The following BICRA variants were observed in gnomAD, a reference collection of about 807,000 sequenced individuals.
BICRA encodes the protein BRD4-interacting chromatin-remodeling complex-associated protein.
Under a neutral mutation model 96.9 loss-of-function variants are expected in BICRA, and 31 were observed. That is an observed-to-expected ratio of 0.32 (90% CI 0.24 to 0.43). The LOEUF (loss-of-function observed/expected upper bound fraction) is 0.43. Among genes scored for constraint, BICRA ranks in the 20% least tolerant of loss-of-function variants. BICRA has a pLI of 1.00. For missense variants in BICRA, 2,283 were observed against 2,190.3 expected, an observed-to-expected ratio of 1.04 and a Z score of -0.84; for synonymous variants, 1,350 against 1,071.8, an observed-to-expected ratio of 1.26 and a Z score of -5.07.
chr19:47,695,342 T>TCGGGGCCCCCCCCCCCCCCCCCCC, intron 9 of BICRA, 23 bp from the exon 10 acceptor site: 2 of 630,116 alleles, frequency 3.2e-6, no homozygotes, highest in Middle Eastern at 4.3e-4. Flanking sequence ...AGGCCCTGTC[T>TCGGGGCCCCCCCCCCCCCCCCCCC]CCCCCACCCC....
At chr19:47,664,587 G>T (rs557638393) in intron 1 of BICRA, among the ~76,000 whole-genome samples, 22 of 152,308 alleles carry the variant, frequency 1.4e-4, no homozygotes, top group African/African-American at 5.3e-4. Flanking sequence ...GATGGGGAGG[G>T]ATCGGTGGGT....
intron 1 of BICRA, among the ~76,000 whole-genome samples, chr19:47,637,040 G>A (rs562580084): frequency 7.2e-5 from 11 of 152,082 alleles, no homozygotes; most frequent in Admixed American, 2.0e-4. Context: ...ACTCCCTTGC[G>A]CGTCTCTCTC....
At chr19:47,695,991 A>G (rs1010489063) in intron 10 of BICRA, among the ~76,000 whole-genome samples, 5 of 152,066 alleles carry the variant, frequency 3.3e-5, no homozygotes, top group African/African-American at 1.2e-4. Flanking sequence ...GGCCGGGAGA[A>G]GCTCAGAGAT....
In BICRA at chr19:47,639,162, CCTGA is replaced by C. The variant is rs572315110; in HGVS notation, c.-108+29997_-108+30000del. 5.9e-5 allele frequency among the ~76,000 whole-genome samples: 9 copies of C among 151,460 alleles called. No homozygotes were observed. In the South Asian group the frequency reaches 1.9e-3, roughly 32 times the overall value. On this transcript the variant is annotated intron_variant, in intron 1 of 14. Coordinates refer to ENST00000594866, the MANE Select transcript of BICRA (RefSeq NM_001394372.1). ...GGGACTACAGGTGTGCAGCACCATA[CCTGA>C]CTAATTTTTTTTCATATTTTTTGTA...
At chr19:47,682,820 C>T (rs773634487) in intron 7 of BICRA, among the ~76,000 whole-genome samples, 4 of 152,040 alleles carry the variant, frequency 2.6e-5, no homozygotes, top group African/African-American at 9.7e-5. Context: ...TACAGGTGCC[C>T]GCCACCATGC....
At chr19:47,631,534 T>A (rs567210312) in intron 1 of BICRA, among the ~76,000 whole-genome samples, 3 of 152,224 alleles carry the variant, frequency 2.0e-5, no homozygotes, top group East Asian at 1.9e-4. Flanking sequence ...AGCCTAATTT[T>A]AAAAATTTTT....
At chr19:47,619,677 C>T (rs938372776) in intron 1 of BICRA, among the ~76,000 whole-genome samples, 7 of 152,160 alleles carry the variant, frequency 4.6e-5, no homozygotes, top group African/African-American at 1.7e-4. Flanking sequence ...GTGGGAGGAT[C>T]ACTTGAGGCC....
intron 2 of BICRA, among the ~76,000 whole-genome samples, chr19:47,673,352 AGAG>A (rs1972894049): frequency 2.0e-5 from 3 of 151,916 alleles, no homozygotes; most frequent in African/African-American, 7.3e-5. Context: ...AGGTGCTGGG[AGAG>A]TTGGAGTGGG....
In BICRA at chr19:47,701,612, C is replaced by T. The variant is rs779830590; in HGVS notation, c.3880C>T (p.Arg1294Cys). 1 of 1,564,620 alleles carries T rather than the reference C, an allele frequency of 6.4e-7. No homozygotes were observed. Among genetic ancestry groups the T allele is most frequent in the Non-Finnish European group, 8.7e-7 (1 of 1,155,772 alleles). The change falls in exon 15 of 15, where the codon CGC (arginine) becomes TGC (cysteine). Residue 1294 changes from arginine (R) to cysteine (C), a missense_variant. Coordinates refer to ENST00000594866, the MANE Select transcript of BICRA (RefSeq NM_001394372.1). This position sits in a 1 kb window ranked among gnomAD's most constrained non-coding sequence, Gnocchi z 5.4. ...GGACGGCCCCATGCCCTCCCGCAAC[C>T]GCCCGCCCATCAAGACCTACGAGGC... ...DEDGPMPSRN[R>C]PPIKTYEARS...
chr19:47,670,040 C>T (rs1160540752), intron 1 of BICRA, among the ~76,000 whole-genome samples: 1 of 151,978 alleles, frequency 6.6e-6, no homozygotes, highest in East Asian at 1.9e-4. Flanking sequence ...CATCCTTGAC[C>T]TCGTGGGCTC....
At chr19:47,651,985 G>T (rs1202986971) in intron 1 of BICRA, among the ~76,000 whole-genome samples, 1 of 152,224 alleles carries the variant, frequency 6.6e-6, no homozygotes, top group Non-Finnish European at 1.5e-5. Flanking sequence ...AGCATCTGAA[G>T]GTGTTTGCTG....
chr19:47,678,573 T>C lies in BICRA; in HGVS notation c.151-748T>C, dbSNP rs151025439. On this transcript the variant is annotated intron_variant, in intron 5 of 14. Transcript: ENST00000594866. Reference sequence around the variant, plus strand: ...CTGGGGCCACCACCAGCGGCTTTCCTGAGGGTGCCCCGCTGGGTCTTACTC... The same window carrying C: ...CTGGGGCCACCACCAGCGGCTTTCCCGAGGGTGCCCCGCTGGGTCTTACTC... Among the ~76,000 whole-genome samples the C allele has an allele frequency of 7.8e-3, 1,189 of 152,240 alleles. 11 individuals carry two copies. The highest frequency in any genetic ancestry group is 0.027 in the African/African-American group (1,136 of 41,534).
At chr19:47,685,126 C>T (rs1002052396) in intron 7 of BICRA, among the ~76,000 whole-genome samples, 4 of 151,616 alleles carry the variant, frequency 2.6e-5, no homozygotes, top group Admixed American at 1.3e-4. Flanking sequence ...TGTGCCACCA[C>T]GCACAGCTAA....
At chr19:47,685,136 ATT>A (rs34314641) in intron 7 of BICRA, among the ~76,000 whole-genome samples, 3 of 144,814 alleles carry the variant, frequency 2.1e-5, no homozygotes, top group African/African-American at 7.6e-5. Context: ...CGCACAGCTA[ATT>A]TTTTTTTTTT....
chr19:47,648,308 A>G (rs528935166), intron 1 of BICRA, among the ~76,000 whole-genome samples: 1 of 151,792 alleles, frequency 6.6e-6, no homozygotes, highest in East Asian at 2.0e-4. Context: ...CGGCCTGTGG[A>G]TGTGTCCCGG....
rs542789112 is a variant in BICRA at position 47,637,701 on chromosome 19, C to G, written c.-108+28533C>G. ...ACCCACTACGAAGCCACTCCCCATCCCCTGCTCCTCCCAGCCCCAGCAGCC... is the reference window on the plus strand; with the variant it reads ...ACCCACTACGAAGCCACTCCCCATCGCCTGCTCCTCCCAGCCCCAGCAGCC... On this transcript the variant is annotated intron_variant, in intron 1 of 14. Coordinates refer to ENST00000594866, the MANE Select transcript of BICRA (RefSeq NM_001394372.1). Among the ~76,000 whole-genome samples, 39 of 152,300 alleles carry G rather than the reference C, an allele frequency of 2.6e-4. 2 individuals are homozygous for G. In the East Asian group the frequency reaches 7.1e-3, roughly 28 times the overall value.
intron 1 of BICRA, among the ~76,000 whole-genome samples, chr19:47,641,209 C>T (rs559289794): frequency 3.3e-5 from 5 of 151,376 alleles, no homozygotes; most frequent in Non-Finnish European, 7.4e-5. Context: ...CATCAGCCAC[C>T]GCACCTGGCC....
At chr19:47,681,335 G>C in intron 6 of BICRA, 59 bp downstream of exon 6, 3 of 1,454,494 alleles carry the variant, frequency 2.1e-6, no homozygotes, top group Non-Finnish European at 2.8e-6. Context: ...GAGGAAGAGG[G>C]GTCCTGGGGC....
intron 1 of BICRA, among the ~76,000 whole-genome samples, chr19:47,667,187 T>A (rs1242468273): frequency 2.6e-5 from 4 of 152,034 alleles, no homozygotes; most frequent in Admixed American, 2.6e-4. Flanking sequence ...CCGGGCTCAT[T>A]TTTTGTATTT....
Sources: allele counts gnomAD v4.1 joint callset (sites outside exome capture counted in the v4.1 genomes callset), GRCh38; gene constraint gnomAD v4.1.1; non-coding constraint Gnocchi (gnomAD v3.1); transcripts MANE v1.5; gene names NCBI Gene and HGNC (gene_info 2026-07-23, HGNC 2026-07-21).